KCNH8: variants seen among roughly 807,000 people sequenced by gnomAD.
The protein encoded by KCNH8 is potassium voltage-gated channel subfamily H member 8.
KCNH8 carries 70 observed loss-of-function variants against 103.6 expected under a neutral mutation model. The ratio of observed to expected loss-of-function variants is 0.68; its 90% CI spans 0.56 to 0.82. The LOEUF (loss-of-function observed/expected upper bound fraction) is 0.82. Among genes scored for constraint, KCNH8 ranks in the 40% least tolerant of loss-of-function variants. KCNH8 has a pLI of 0.00. For synonymous variants in KCNH8, 498 were observed against 489.4 expected (o/e 1.02, Z -0.23); for missense variants, 1,217 against 1,329.9 (o/e 0.92, Z 1.32).
At chr3:19,149,707 A>G (rs1200075494) in intron 1 of KCNH8, among the ~76,000 whole-genome samples, 1 of 152,142 alleles carries the variant, frequency 6.6e-6, no homozygotes, top group Non-Finnish European at 1.5e-5. Flanking sequence ...AAATGCTCTC[A>G]GTTGGTTTCA....
intron 1 of KCNH8, among the ~76,000 whole-genome samples, chr3:19,242,729 A>T (rs1450480097): frequency 6.6e-6 from 1 of 152,140 alleles, no homozygotes; most frequent in East Asian, 1.9e-4. Flanking sequence ...TTTAAAATGA[A>T]GGTCACCAGG....
intron 3 of KCNH8, 64 bp downstream of exon 3, chr3:19,281,393 A>G (rs891326227): frequency 1.5e-5 from 22 of 1,451,860 alleles, no homozygotes; most frequent in Non-Finnish European, 2.0e-5. Context: ...TTACTTAAAA[A>G]CTCTTGGAGA....
intron 7 of KCNH8, among the ~76,000 whole-genome samples, chr3:19,412,382 T>C (rs1225539478): frequency 6.6e-6 from 1 of 151,916 alleles, no homozygotes; most frequent in African/African-American, 2.4e-5. Context: ...TTTCACCATA[T>C]ACAAAAACTC....
At chr3:19,455,684 C>T (rs1388408612) in intron 10 of KCNH8, among the ~76,000 whole-genome samples, 1 of 152,058 alleles carries the variant, frequency 6.6e-6, no homozygotes, top group African/African-American at 2.4e-5. Flanking sequence ...GTCAGTTCTC[C>T]ATAAATATTC....
chr3:19,340,526 A>G (rs1226674883), intron 3 of KCNH8, among the ~76,000 whole-genome samples: 3 of 152,068 alleles, frequency 2.0e-5, no homozygotes, highest in Non-Finnish European at 4.4e-5. Flanking sequence ...CATTTGATCA[A>G]ATAATGACTA....
chr3:19,169,394 G>A (rs2063318348), intron 1 of KCNH8, among the ~76,000 whole-genome samples: 1 of 151,900 alleles, frequency 6.6e-6, no homozygotes, highest in Non-Finnish European at 1.5e-5. Context: ...GAGTACCTGG[G>A]ACTACAGGCG....
At chr3:19,308,787 C>CCTCTCTCTCTCTCCCT (rs1553635919) in intron 3 of KCNH8, among the ~76,000 whole-genome samples, 2 of 36,898 alleles carry the variant, frequency 5.4e-5, no homozygotes, top group African/African-American at 4.0e-4. Context: ...TCTCTCTCTC[C>CCTCTCTCTCTCTCCCT]CTCTCTCTCT....
intron 7 of KCNH8, among the ~76,000 whole-genome samples, chr3:19,395,792 A>G (rs2066507527): frequency 6.6e-6 from 1 of 152,038 alleles, no homozygotes. Flanking sequence ...AAAGTAAACA[A>G]AATAACACAT....
intron 5 of KCNH8, among the ~76,000 whole-genome samples, chr3:19,372,496 C>G (rs2066116039): frequency 6.6e-6 from 1 of 151,922 alleles, no homozygotes; most frequent in African/African-American, 2.4e-5. Flanking sequence ...TGCTTATCAG[C>G]TTAAGGAGAT....
chr3:19,503,891 C>A (rs1226300234), intron 11 of KCNH8, among the ~76,000 whole-genome samples: 1 of 151,828 alleles, frequency 6.6e-6, no homozygotes, highest in Non-Finnish European at 1.5e-5. Context: ...AACTAACCTG[C>A]ACATTGTGCA....
At chr3:19,354,994 C>T (rs1027924434) in intron 5 of KCNH8, among the ~76,000 whole-genome samples, 2 of 152,102 alleles carry the variant, frequency 1.3e-5, no homozygotes, top group African/African-American at 4.8e-5. Context: ...TGACAAAGGG[C>T]TAATATCCAG....
chr3:19,239,132 A>G (rs536710839), intron 1 of KCNH8, among the ~76,000 whole-genome samples: 25 of 152,226 alleles, frequency 1.6e-4, no homozygotes, highest in Admixed American at 1.3e-3. Flanking sequence ...GAACCCAAGT[A>G]TCAGTGGTTT....
intron 7 of KCNH8, among the ~76,000 whole-genome samples, chr3:19,400,231 C>CAA (rs11422314): frequency 0.31 from 16,232 of 53,058 alleles, 4,630 homozygotes; most frequent in Middle Eastern, 0.47. Context: ...TGTTAGCCAG[C>CAA]AAAAAAAAAA....
chr3:19,377,453 G>C (rs774324763), intron 5 of KCNH8, among the ~76,000 whole-genome samples: 2 of 152,144 alleles, frequency 1.3e-5, no homozygotes, highest in Non-Finnish European at 2.9e-5. Context: ...ATCAGACGTA[G>C]GGACAATTTC....
chr3:19,358,086 G>A (rs2065901799), intron 5 of KCNH8, among the ~76,000 whole-genome samples: 1 of 151,850 alleles, frequency 6.6e-6, no homozygotes, highest in African/African-American at 2.4e-5. Flanking sequence ...CTCAGCAACA[G>A]TAGAGGCCAA....
At chr3:19,356,520 G>T (rs1472267556) in intron 5 of KCNH8, among the ~76,000 whole-genome samples, 1 of 151,946 alleles carries the variant, frequency 6.6e-6, no homozygotes, top group Non-Finnish European at 1.5e-5. Context: ...TAATTATTTG[G>T]GATCAACATG....
At chr3:19,354,759 A>G (rs78547292) in intron 5 of KCNH8, among the ~76,000 whole-genome samples, 23,829 of 152,202 alleles carry the variant, frequency 0.16, 2,503 homozygotes, top group Middle Eastern at 0.31. Context: ...TAAATGTTAG[A>G]CCTAAAACCA....
At chr3:19,421,800 T>A (rs540743129) in intron 7 of KCNH8, among the ~76,000 whole-genome samples, 1 of 152,246 alleles carries the variant, frequency 6.6e-6, no homozygotes, top group African/African-American at 2.4e-5. Context: ...TTTTTATTAT[T>A]TCTACTAAGT....
chr3:19,228,250 T>G (rs1249053743), intron 1 of KCNH8, among the ~76,000 whole-genome samples: 1 of 152,240 alleles, frequency 6.6e-6, no homozygotes, highest in East Asian at 1.9e-4. Context: ...ACATATTTTC[T>G]GTGGCTGTTT....
Sources: allele counts gnomAD v4.1 joint callset (sites outside exome capture counted in the v4.1 genomes callset), GRCh38; gene constraint gnomAD v4.1.1; transcripts MANE v1.5; gene names NCBI Gene and HGNC (gene_info 2026-07-23, HGNC 2026-07-21).